MAF: variants seen among roughly 807,000 people sequenced by gnomAD.
The protein encoded by MAF is transcription factor Maf.
A neutral mutation model predicts 22.0 loss-of-function variants in MAF; 10 were observed. The ratio of observed to expected loss-of-function variants is 0.45; its 90% CI spans 0.28 to 0.77. MAF has a LOEUF of 0.77. Ranked by LOEUF, MAF falls within the 30% of genes least tolerant of loss-of-function variation. MAF has a pLI of 0.12. For missense variants in MAF, 544 were observed against 548.4 expected, an observed-to-expected ratio of 0.99 and a Z score of 0.08; for synonymous variants, 337 against 255.8, an observed-to-expected ratio of 1.32 and a Z score of -3.03.
At chr16:79,573,113 A>G in the MAF span, among the ~76,000 whole-genome samples, 1 of 152,068 alleles carries the variant, frequency 6.6e-6, no homozygotes. Context: ...ACATTTTCCT[A>G]TTAGGTCATT....
the MAF span, among the ~76,000 whole-genome samples, chr16:79,461,394 G>A: frequency 1.3e-5 from 2 of 152,238 alleles, no homozygotes; most frequent in Non-Finnish European, 2.9e-5. Context: ...GACAACTTGG[G>A]AACCCAGTCT....
At chr16:79,486,687 C>T in the MAF span, among the ~76,000 whole-genome samples, 8 of 152,148 alleles carry the variant, frequency 5.3e-5, no homozygotes, top group African/African-American at 7.2e-5. Context: ...TATGAGTCTC[C>T]GAGACAGAGA....
the MAF span, among the ~76,000 whole-genome samples, chr16:79,543,579 C>G: frequency 3.9e-5 from 6 of 152,220 alleles, no homozygotes; most frequent in East Asian, 1.2e-3. Context: ...TCTCAATGCC[C>G]CACGTTCTGG....
At chr16:79,243,673 T>G in the MAF span, among the ~76,000 whole-genome samples, 1 of 152,012 alleles carries the variant, frequency 6.6e-6, no homozygotes, top group Non-Finnish European at 1.5e-5. Flanking sequence ...CTAAAACTAT[T>G]TCAAACAACA....
At chr16:79,273,402 C>T in the MAF span, among the ~76,000 whole-genome samples, 4 of 152,186 alleles carry the variant, frequency 2.6e-5, no homozygotes, top group Admixed American at 6.5e-5. Context: ...ATGAGTGAAA[C>T]GTCCATTTGC....
chr16:79,334,624 T>C, the MAF span, among the ~76,000 whole-genome samples: 52 of 152,194 alleles, frequency 3.4e-4, no homozygotes, highest in African/African-American at 1.2e-3. Flanking sequence ...ACTTTCAGGA[T>C]AGCAACAGCA....
At chr16:79,252,573 G>A in the MAF span, among the ~76,000 whole-genome samples, 2 of 151,784 alleles carry the variant, frequency 1.3e-5, no homozygotes, top group South Asian at 2.1e-4. Context: ...CACTGCAACC[G>A]CAACCTCCTG....
At chr16:79,311,475 G>A in the MAF span, among the ~76,000 whole-genome samples, 4 of 149,636 alleles carry the variant, frequency 2.7e-5, no homozygotes, top group East Asian at 2.0e-4. Flanking sequence ...TTACAAAACC[G>A]GCATGGGAAT....
At chr16:79,502,931 A>G in the MAF span, among the ~76,000 whole-genome samples, 4 of 151,508 alleles carry the variant, frequency 2.6e-5, no homozygotes, top group African/African-American at 7.3e-5. Flanking sequence ...AAAACTACAC[A>G]CATCTTAGTA....
At chr16:79,334,773 G>A in the MAF span, among the ~76,000 whole-genome samples, 2 of 152,044 alleles carry the variant, frequency 1.3e-5, no homozygotes, top group Non-Finnish European at 2.9e-5. Context: ...ATGTGTCCCA[G>A]GCAGGGAGAA....
At chr16:79,358,918 G>C in the MAF span, among the ~76,000 whole-genome samples, 27 of 152,304 alleles carry the variant, frequency 1.8e-4, no homozygotes, top group African/African-American at 6.5e-4. Context: ...TCAGTGCTGT[G>C]ATGAGGCCCT....
chr16:79,532,132 G>T, the MAF span, among the ~76,000 whole-genome samples: 6 of 152,170 alleles, frequency 3.9e-5, no homozygotes, highest in Non-Finnish European at 7.3e-5. Context: ...ATTTCAAATT[G>T]AACTGGGCAT....
At chr16:79,551,592 T>C in the MAF span, among the ~76,000 whole-genome samples, 1 of 152,198 alleles carries the variant, frequency 6.6e-6, no homozygotes, top group Non-Finnish European at 1.5e-5. Flanking sequence ...CCTCCCTGGA[T>C]TGTATAACTG....
At chr16:79,518,952 C>G in the MAF span, among the ~76,000 whole-genome samples, 1 of 152,078 alleles carries the variant, frequency 6.6e-6, no homozygotes, top group Non-Finnish European at 1.5e-5. Flanking sequence ...AGTAAATAAG[C>G]TTTATAAATC....
downstream of MAF, among the ~76,000 whole-genome samples, chr16:79,593,370 G>A (rs1913298580): frequency 6.6e-6 from 1 of 152,164 alleles, no homozygotes; most frequent in South Asian, 2.1e-4. Flanking sequence ...CCATGTTTGT[G>A]AGGGTGACCA....
At chr16:79,233,991 C>CTAA in the MAF span, among the ~76,000 whole-genome samples, 3 of 125,694 alleles carry the variant, frequency 2.4e-5, no homozygotes, top group African/African-American at 2.9e-5. Flanking sequence ...GACTCCATCG[C>CTAA]AAAAAAAAAA....
At chr16:79,588,826 GAATA>G (rs994879929) in intron 1 of MAF, among the ~76,000 whole-genome samples, 1 of 151,686 alleles carries the variant, frequency 6.6e-6, no homozygotes, top group African/African-American at 2.4e-5. Flanking sequence ...AAAAATAAAT[GAATA>G]AATAAATAAA....
chr16:79,276,882 G>C, the MAF span, among the ~76,000 whole-genome samples: 1 of 152,122 alleles, frequency 6.6e-6, no homozygotes, highest in Non-Finnish European at 1.5e-5. Context: ...CAAGGCTCCA[G>C]GGGAGGATCC....
chr16:79,205,791 G>C, the MAF span: 1 of 152,198 alleles, frequency 6.6e-6, no homozygotes. Flanking sequence ...ACTGTGTTAG[G>C]AATCATTGGA....
Sources: gnomAD v4.1 joint callset for allele counts (sites outside exome capture counted in the v4.1 genomes callset) on GRCh38, gnomAD v4.1.1 for gene constraint, MANE v1.5 for transcripts, NCBI Gene and HGNC (gene_info 2026-07-23, HGNC 2026-07-21) for gene names.